The following IMMP2L variants were observed in gnomAD, a reference collection of about 807,000 sequenced individuals.
The protein encoded by IMMP2L is inner mitochondrial membrane peptidase subunit 2, also known as mitochondrial inner membrane protease subunit 2.
Under a neutral mutation model 19.3 loss-of-function variants are expected in IMMP2L, and 18 were observed. The observed-to-expected ratio is 0.93, with a 90% confidence interval of 0.64 to 1.38. The LOEUF (loss-of-function observed/expected upper bound fraction) is 1.38. Among genes scored for constraint, IMMP2L ranks in the 40% most tolerant of loss-of-function variants. IMMP2L has a pLI of 0.00. For synonymous variants in IMMP2L, 76 were observed against 73.0 expected (o/e 1.04, Z -0.21); for missense variants, 233 against 218.2 (o/e 1.07, Z -0.43).
intron 5 of IMMP2L, among the ~76,000 whole-genome samples, chr7:110,824,082 T>G (rs1240682090): frequency 6.6e-6 from 1 of 152,116 alleles, no homozygotes; most frequent in African/African-American, 2.4e-5. Context: ...AATACTTACA[T>G]TATAAACATT....
chr7:111,325,921 T>G (rs1311330751), intron 3 of IMMP2L, among the ~76,000 whole-genome samples: 1 of 151,760 alleles, frequency 6.6e-6, no homozygotes, highest in East Asian at 1.9e-4. Context: ...AATAATGTTC[T>G]GGAATTTTAA....
chr7:111,199,397 C>T (rs992676379), intron 3 of IMMP2L, among the ~76,000 whole-genome samples: 11 of 151,994 alleles, frequency 7.2e-5, no homozygotes, highest in African/African-American at 2.4e-4. Context: ...AAAATATGTA[C>T]GTGGAACATG....
intron 3 of IMMP2L, among the ~76,000 whole-genome samples, chr7:111,113,208 C>G (rs529138853): frequency 6.6e-6 from 1 of 152,262 alleles, no homozygotes; most frequent in East Asian, 1.9e-4. Context: ...TGTCCACAGG[C>G]TTCCTTACCT....
intron 3 of IMMP2L, among the ~76,000 whole-genome samples, chr7:111,071,142 G>C (rs1163714299): frequency 6.6e-6 from 1 of 152,056 alleles, no homozygotes; most frequent in African/African-American, 2.4e-5. Context: ...TTAGTCATTA[G>C]AGAAATGCAA....
intron 2 of IMMP2L, among the ~76,000 whole-genome samples, chr7:111,493,026 T>C (rs1843239344): frequency 6.6e-6 from 1 of 152,156 alleles, no homozygotes; most frequent in African/African-American, 2.4e-5. Context: ...GATTGGAAAA[T>C]AATATTTCTA....
chr7:110,826,041 A>G (rs1379365763), intron 5 of IMMP2L, among the ~76,000 whole-genome samples: 1 of 152,260 alleles, frequency 6.6e-6, no homozygotes, highest in Non-Finnish European at 1.5e-5. Flanking sequence ...ATGAACACAC[A>G]CTTCTCAAAA....
chr7:110,833,548 T>C (rs1011168061), intron 5 of IMMP2L, among the ~76,000 whole-genome samples: 7 of 152,066 alleles, frequency 4.6e-5, no homozygotes, highest in Non-Finnish European at 1.0e-4. Context: ...GGATGGCTGA[T>C]TTTTAGAGAC....
intron 3 of IMMP2L, among the ~76,000 whole-genome samples, chr7:111,014,991 A>G (rs1235696976): frequency 6.6e-6 from 1 of 152,174 alleles, no homozygotes; most frequent in Non-Finnish European, 1.5e-5. Flanking sequence ...GGAATACAGT[A>G]AGGAGGTTCC....
chr7:110,934,531 TATAAGAAG>T (rs1383810794), intron 4 of IMMP2L, among the ~76,000 whole-genome samples: 1 of 152,202 alleles, frequency 6.6e-6, no homozygotes, highest in Non-Finnish European at 1.5e-5. Flanking sequence ...ACTCTTTGTA[TATAAGAAG>T]AAAGTATAGG....
Position 111,495,616 on chromosome 7 carries a change from G to A in IMMP2L, c.136-8275C>T, listed in dbSNP as rs11973487. Reference sequence around the variant, plus strand: ...TGGAAGAATTTATCTTTCGGTTTACGAAAATAAAATTCTCCTAGAGAATTA... The same window carrying A: ...TGGAAGAATTTATCTTTCGGTTTACAAAAATAAAATTCTCCTAGAGAATTA... On this transcript the variant is annotated intron_variant, in intron 2 of 5. Coordinates refer to ENST00000405709, the MANE Select transcript of IMMP2L (RefSeq NM_032549.4). Among the ~76,000 whole-genome samples the A allele has an allele frequency of 7.1e-3, 1,075 of 152,202 alleles. 17 individuals are homozygous for A. The highest frequency in any genetic ancestry group is 0.029 in the East Asian group (149 of 5,180).
chr7:111,545,245 T>C (rs889032439), intron 1 of IMMP2L, among the ~76,000 whole-genome samples: 2 of 152,176 alleles, frequency 1.3e-5, no homozygotes, highest in African/African-American at 4.8e-5. Flanking sequence ...AGACACAATT[T>C]CACTAGGCCT....
At chr7:111,070,808 A>C (rs1563212239) in intron 3 of IMMP2L, among the ~76,000 whole-genome samples, 1 of 152,194 alleles carries the variant, frequency 6.6e-6, no homozygotes, top group South Asian at 2.1e-4. Flanking sequence ...CACTTCTTAA[A>C]TATAAGTAGA....
intron 5 of IMMP2L, among the ~76,000 whole-genome samples, chr7:110,834,559 A>T (rs61328958): frequency 0.023 from 3,527 of 152,276 alleles, 137 homozygotes; most frequent in African/African-American, 0.08. Context: ...CAAGTATATA[A>T]GTATAAACAT....
At chr7:111,142,815 C>A (rs1356617586) in intron 3 of IMMP2L, among the ~76,000 whole-genome samples, 1 of 152,082 alleles carries the variant, frequency 6.6e-6, no homozygotes, top group African/African-American at 2.4e-5. Context: ...AAAGGCAGTG[C>A]CCTCAATTAG....
At chr7:110,674,631 G>C (rs1410815881) in intron 5 of IMMP2L, among the ~76,000 whole-genome samples, 2 of 152,174 alleles carry the variant, frequency 1.3e-5, no homozygotes, top group Non-Finnish European at 2.9e-5. Flanking sequence ...CTACAATTAT[G>C]TTTGAAAGTC....
At chr7:110,922,880 A>C (rs578094602) in intron 4 of IMMP2L, among the ~76,000 whole-genome samples, 1 of 152,314 alleles carries the variant, frequency 6.6e-6, no homozygotes, top group East Asian at 1.9e-4. Flanking sequence ...GATGTGTAAC[A>C]AGATAAAACC....
chr7:110,928,741 TA>T (rs956987733), intron 4 of IMMP2L, among the ~76,000 whole-genome samples: 14 of 152,156 alleles, frequency 9.2e-5, no homozygotes, highest in Non-Finnish European at 1.6e-4. Flanking sequence ...AATAGGAATA[TA>T]ATCTATCCCT....
At position 111,196,461 on chromosome 7, in the gene IMMP2L, C is replaced by G. The variant is rs543353586; in HGVS notation, c.240-232896G>C. Among the ~76,000 whole-genome samples, 7 of 152,252 alleles carry G rather than the reference C, an allele frequency of 4.6e-5. No individual in the cohort carries two copies. The South Asian group carries it at 1.5e-3, about 32-fold the overall frequency. On this transcript the variant is annotated intron_variant, in intron 3 of 5. Transcript: ENST00000405709. ...GTGGTATTTTCTCTAAAGCATCTTA[C>G]AATCATTGTAAATTAGGAGATTATG...
intron 3 of IMMP2L, among the ~76,000 whole-genome samples, chr7:111,373,521 C>G (rs1388542459): frequency 1.3e-5 from 2 of 151,988 alleles, no homozygotes; most frequent in Non-Finnish European, 2.9e-5. Context: ...CTTTCATGAT[C>G]CAGGAGCTGC....
Sources: allele counts gnomAD v4.1 joint callset (sites outside exome capture counted in the v4.1 genomes callset), GRCh38; gene constraint gnomAD v4.1.1; transcripts MANE v1.5; gene names NCBI Gene and HGNC (gene_info 2026-07-23, HGNC 2026-07-21).